ACOXL: variants seen among roughly 807,000 people sequenced by gnomAD.
ACOXL encodes the protein acyl-coenzyme A oxidase-like protein.
In ACOXL, 70 loss-of-function variants were observed where a neutral mutation model predicts 71.9. That is an observed-to-expected ratio of 0.97 (90% CI 0.80 to 1.19). The LOEUF is 1.19. Among genes scored for constraint, ACOXL ranks in the 50% most tolerant of loss-of-function variants. ACOXL has a pLI of 0.00. For missense variants in ACOXL, 703 were observed against 736.3 expected (o/e 0.95, Z 0.52); for synonymous variants, 253 against 281.6 (o/e 0.90, Z 1.02).
In ACOXL at chr2:110,843,741, C is replaced by G. The variant is rs186373723; in HGVS notation, c.788+2336C>G. On this transcript the variant is annotated intron_variant, in intron 10 of 17. Transcript: ENST00000439055. ...GAGACATCCTAGCACATGTGGTTTC[C>G]CCCTGCTGTGTTTCCAGAGATGTTT... 2.6e-3 allele frequency among the ~76,000 whole-genome samples: 399 copies of G among 152,316 alleles called. No homozygotes were observed. The Middle Eastern group carries it at 0.027, about 10-fold the overall frequency.
chr2:111,112,306 AC>A (rs772585345), intron 17 of ACOXL, among the ~76,000 whole-genome samples: 2 of 152,174 alleles, frequency 1.3e-5, no homozygotes, highest in African/African-American at 2.4e-5. Context: ...CTAAGGTCTG[AC>A]CCTCCCTGGA....
intron 11 of ACOXL, among the ~76,000 whole-genome samples, chr2:110,921,687 C>A (rs2060086271): frequency 6.6e-6 from 1 of 152,186 alleles, no homozygotes. Flanking sequence ...GCCACCGCGC[C>A]TGGCCTTCCA....
At chr2:110,902,648 T>G (rs1315692973) in intron 10 of ACOXL, among the ~76,000 whole-genome samples, 1 of 152,160 alleles carries the variant, frequency 6.6e-6, no homozygotes, top group Non-Finnish European at 1.5e-5. Flanking sequence ...TTACTGATAA[T>G]AAGAAGCCAG....
chr2:110,841,511 C>T (rs114223475), intron 10 of ACOXL, 106 bp downstream of exon 10: 10,344 of 822,012 alleles, frequency 0.013, 98 homozygotes, highest in Middle Eastern at 0.043. Flanking sequence ...GGTTGCTTTC[C>T]TGTGATGTCC....
At chr2:110,889,630 A>G (rs1175352155) in intron 10 of ACOXL, among the ~76,000 whole-genome samples, 2 of 152,208 alleles carry the variant, frequency 1.3e-5, no homozygotes, top group Admixed American at 6.5e-5. Flanking sequence ...CACTTGGCCT[A>G]CAGTTTTCCA....
In ACOXL at chr2:110,794,005, G is replaced by C. The variant is rs181016559; in HGVS notation, c.247-71G>C. ...TCCCTCTCTCACCACCATTCTTAATGGTCCGAGGGGTCTGCATTTGGAGCA... is the reference window on the plus strand; with the variant it reads ...TCCCTCTCTCACCACCATTCTTAATCGTCCGAGGGGTCTGCATTTGGAGCA... On this transcript the variant is annotated intron_variant, in intron 4 of 17. Coordinates refer to ENST00000439055, the MANE Select transcript of ACOXL (RefSeq NM_001142807.4). 1,956 of 1,472,932 alleles carry C rather than the reference G, an allele frequency of 1.3e-3. 4 individuals carry two copies. Among genetic ancestry groups the C allele is most frequent in the Admixed American group, 3.9e-3 (227 of 58,786 alleles). The allele number at this position is 1,472,932 out of a possible 1,614,324, so 91.2% of individuals were successfully genotyped here.
chr2:111,041,803 G>A (rs2065800431), intron 15 of ACOXL, among the ~76,000 whole-genome samples: 1 of 152,226 alleles, frequency 6.6e-6, no homozygotes. Flanking sequence ...TGAGTGAATG[G>A]TGCATTTGCC....
intron 11 of ACOXL, among the ~76,000 whole-genome samples, chr2:110,912,448 C>T (rs1417446689): frequency 1.3e-5 from 2 of 152,058 alleles, no homozygotes; most frequent in Admixed American, 1.3e-4. Flanking sequence ...AATCAAGAGA[C>T]AGAAACACAT....
chr2:110,976,783 A>G lies in ACOXL; in HGVS notation c.1060-10325A>G, dbSNP rs574300731. Among the ~76,000 whole-genome samples, 3 of 152,292 alleles carry G rather than the reference A, an allele frequency of 2.0e-5. 1 individual carries two copies. The South Asian group carries it at 6.2e-4, about 32-fold the overall frequency. ...AAAGAAGCAGGAAGATTCTAGTGATATGATGGAAAAGGCATGTTTCTTCTT... is the reference window on the plus strand; with the variant it reads ...AAAGAAGCAGGAAGATTCTAGTGATGTGATGGAAAAGGCATGTTTCTTCTT... On this transcript the variant is annotated intron_variant, in intron 12 of 17. Coordinates refer to ENST00000439055, the MANE Select transcript of ACOXL (RefSeq NM_001142807.4).
Position 111,108,474 on chromosome 2 carries a change from G to A in ACOXL, c.1543-9142G>A, listed in dbSNP as rs2069711241. ...GCTCACCTCAACCTCTGCCTCCCAG[G>A]TTCAAGCGATTCTCCTGCCTCAGCC... On this transcript the variant is annotated intron_variant, in intron 17 of 17. Coordinates refer to ENST00000439055, the MANE Select transcript of ACOXL (RefSeq NM_001142807.4). Among the ~76,000 whole-genome samples the A allele has an allele frequency of 2.8e-5, 4 of 141,596 alleles. No individual in the cohort carries two copies. The South Asian group carries it at 9.0e-4, about 32-fold the overall frequency. The allele number at this position is 141,596 out of a possible 152,430, so 92.9% of individuals were successfully genotyped here. A position where few individuals can be genotyped will look rare whatever the true frequency, so the allele number is the denominator to read the frequency against.
intron 13 of ACOXL, among the ~76,000 whole-genome samples, chr2:110,990,261 A>T (rs1244028844): frequency 6.6e-6 from 1 of 152,154 alleles, no homozygotes; most frequent in Admixed American, 6.5e-5. Context: ...TACATACTAT[A>T]TCCTTTCATA....
At chr2:110,993,936 C>G (rs2063286030) in intron 13 of ACOXL, among the ~76,000 whole-genome samples, 1 of 152,194 alleles carries the variant, frequency 6.6e-6, no homozygotes, top group African/African-American at 2.4e-5. Flanking sequence ...TTTGGATCTT[C>G]TTGTAAAATA....
At chr2:111,051,614 G>A (rs2066291893) in intron 16 of ACOXL, among the ~76,000 whole-genome samples, 1 of 152,080 alleles carries the variant, frequency 6.6e-6, no homozygotes, top group Admixed American at 6.5e-5. Flanking sequence ...GAGTACAGGT[G>A]TCTGCCACCA....
chr2:110,757,560 C>G (rs1679862157), intron 1 of ACOXL, among the ~76,000 whole-genome samples: 1 of 152,144 alleles, frequency 6.6e-6, no homozygotes, highest in African/African-American at 2.4e-5. Flanking sequence ...TCGCCGGCAT[C>G]TGTTGTTTTT....
intron 1 of ACOXL, among the ~76,000 whole-genome samples, chr2:110,757,585 T>C (rs1381046030): frequency 1.3e-5 from 2 of 152,198 alleles, no homozygotes; most frequent in Non-Finnish European, 2.9e-5. Context: ...TTTTTAATAA[T>C]CAACATTCTG....
chr2:110,986,091 C>A (rs534855401), intron 12 of ACOXL, among the ~76,000 whole-genome samples: 2 of 152,244 alleles, frequency 1.3e-5, no homozygotes, highest in South Asian at 4.2e-4. Flanking sequence ...ACCTAAGTAT[C>A]CAACCAAATG....
At chr2:111,079,998 GT>G (rs1193646598) in intron 16 of ACOXL, among the ~76,000 whole-genome samples, 1 of 152,104 alleles carries the variant, frequency 6.6e-6, no homozygotes, top group African/African-American at 2.4e-5. Flanking sequence ...AGATTTTCTA[GT>G]TTATTTGCAT....
At chr2:110,956,394 A>T (rs764597103) in intron 12 of ACOXL, among the ~76,000 whole-genome samples, 2 of 152,180 alleles carry the variant, frequency 1.3e-5, no homozygotes, top group Non-Finnish European at 2.9e-5. Context: ...CCAGCGAATA[A>T]GTCCTGAGAG....
chr2:110,999,504 T>C (rs60773849), intron 14 of ACOXL, among the ~76,000 whole-genome samples: 3,257 of 152,210 alleles, frequency 0.021, 118 homozygotes, highest in African/African-American at 0.075. Context: ...ATGTGCCAAA[T>C]ACATTTTGTC....
Sources: gnomAD v4.1 joint callset for allele counts (sites outside exome capture counted in the v4.1 genomes callset) on GRCh38, gnomAD v4.1.1 for gene constraint, MANE v1.5 for transcripts, NCBI Gene and HGNC (gene_info 2026-07-23, HGNC 2026-07-21) for gene names.